TCTN1: variants seen among roughly 807,000 people sequenced by gnomAD.
The protein encoded by TCTN1 is tectonic family member 1.
In TCTN1, 58 loss-of-function variants were observed where a neutral mutation model predicts 65.8. That is an observed-to-expected ratio of 0.88 (90% CI 0.71 to 1.10). The LOEUF (loss-of-function observed/expected upper bound fraction) is 1.10. Among genes scored for constraint, TCTN1 ranks in the 50% least tolerant of loss-of-function variants. The pLI is 0.00. For missense variants in TCTN1, 645 were observed against 719.4 expected, an observed-to-expected ratio of 0.90 and a Z score of 1.18; for synonymous variants, 273 against 289.1, an observed-to-expected ratio of 0.94 and a Z score of 0.57.
rs769457761 is a variant in TCTN1, at chr12:110,626,493, G to C, written c.472+1G>C. 1.2e-6 allele frequency: 2 copies of C among 1,611,444 alleles called. No homozygotes were observed. Among genetic ancestry groups the C allele is most frequent in the Non-Finnish European group, 1.7e-6 (2 of 1,179,118 alleles). ...ATTTTCTGCATTCATATTACAAACT[G>C]TAAGTATTTGACATTGATATATTTT... On this transcript the variant is annotated splice_donor_variant, in intron 3 of 14. Transcript: ENST00000397659. LOFTEE classifies it high-confidence loss of function.
intron 2 of TCTN1, among the ~76,000 whole-genome samples, chr12:110,625,095 G>C (rs2065740266): frequency 6.6e-6 from 1 of 152,182 alleles, no homozygotes; most frequent in African/African-American, 2.4e-5. Context: ...AAGGAATTTG[G>C]ATCTATTCTG....
intron 7 of TCTN1, among the ~76,000 whole-genome samples, chr12:110,638,630 T>C (rs932987394): frequency 1.3e-5 from 2 of 152,300 alleles, no homozygotes; most frequent in African/African-American, 2.4e-5. Context: ...CTCGGGACAG[T>C]TGAGTGAGCT....
At chr12:110,619,814 C>G in intron 1 of TCTN1, 22 bp from the exon 2 acceptor site, 1 of 1,613,880 alleles carries the variant, frequency 6.2e-7, no homozygotes, top group Non-Finnish European at 8.5e-7. Context: ...TGTTCTGGAT[C>G]CTACCCCTCT....
chr12:110,637,075 A>G (rs2066623954), intron 7 of TCTN1, among the ~76,000 whole-genome samples: 1 of 152,092 alleles, frequency 6.6e-6, no homozygotes, highest in South Asian at 2.1e-4. Flanking sequence ...TAGGGTTTGC[A>G]CCCTAGGTCT....
intron 7 of TCTN1, among the ~76,000 whole-genome samples, chr12:110,638,691 A>G (rs1383666311): frequency 1.3e-5 from 2 of 152,246 alleles, no homozygotes; most frequent in Non-Finnish European, 2.9e-5. Flanking sequence ...TCCAAAGCTC[A>G]TTGACACTGA....
At chr12:110,632,661 C>T (rs549439598) in intron 5 of TCTN1, 102 bp downstream of exon 5, 33 of 1,226,616 alleles carry the variant, frequency 2.7e-5, no homozygotes, top group African/African-American at 4.5e-5. Flanking sequence ...TGACCAAAAT[C>T]GCAATTATTT....
intron 6 of TCTN1, chr12:110,636,190 T>G (rs965563645): frequency 5.1e-6 from 2 of 388,568 alleles, no homozygotes; most frequent in Admixed American, 7.5e-5. Context: ...CGTGAGACCA[T>G]GTGGAAATAT....
chr12:110,636,543 T>C, intron 7 of TCTN1, 42 bp downstream of exon 7: 1 of 1,121,104 alleles, frequency 8.9e-7, no homozygotes, highest in Non-Finnish European at 1.3e-6. Context: ...AGTAGGATAG[T>C]TTATAATACT....
Position 110,619,897 on chromosome 12 carries a change from T to C in TCTN1, c.282T>C (p.Asp94=), listed in dbSNP as rs779725514. ...AGTGTGACATCAACTGCTGCTGTGATCCCGACTGCAGCTCCGTGGATTTCA... is the reference window on the plus strand; with the variant it reads ...AGTGTGACATCAACTGCTGCTGTGACCCCGACTGCAGCTCCGTGGATTTCA... ...PAQCDINCCC[D]PDCSSVDFSV... is the part of the protein sequence containing the mutation. The change falls in exon 2 of 15, where the codon GAT becomes GAC. Residue 94 remains aspartate (D), a synonymous_variant. Transcript: ENST00000397659. The C allele has an allele frequency of 6.2e-7, 1 of 1,614,174 alleles. No homozygotes were observed. The highest frequency in any genetic ancestry group is 8.5e-7 in the Non-Finnish European group (1 of 1,180,038).
intron 13 of TCTN1, 101 bp downstream of exon 13, chr12:110,647,437 TTA>T: frequency 6.8e-7 from 1 of 1,476,908 alleles, no homozygotes; most frequent in African/African-American, 1.4e-5. Context: ...AGATTATAAT[TTA>T]AACCATGGGG....
chr12:110,640,369 T>A lies in TCTN1; in HGVS notation c.844-14T>A. On this transcript the variant is annotated splice_polypyrimidine_tract_variant and intron_variant, in intron 7 of 14. Coordinates refer to ENST00000397659, the MANE Select transcript of TCTN1 (RefSeq NM_001082538.3). The surrounding 1 kb of genome is among the most constrained non-coding windows in gnomAD (Gnocchi z 4.9). ...GGTAGAGCATCTTCAACACTCCAGG[T>A]CTTCACTCTGCAGGTCCCTATCACT... The A allele has an allele frequency of 6.2e-7, 1 of 1,614,174 alleles. No homozygotes were observed. The highest frequency in any genetic ancestry group is 8.5e-7 in the Non-Finnish European group (1 of 1,180,018).
chr12:110,629,319 A>G (rs1341328097), intron 4 of TCTN1: 3 of 214,536 alleles, frequency 1.4e-5, no homozygotes, highest in Non-Finnish European at 2.8e-5. Context: ...GACCTACAGA[A>G]TGGGAAAAAA....
Position 110,636,474 on chromosome 12 carries a change from T to C in TCTN1, c.823-7T>C. On this transcript the variant is annotated splice_region_variant and splice_polypyrimidine_tract_variant and intron_variant, in intron 6 of 14. Coordinates refer to ENST00000397659, the MANE Select transcript of TCTN1 (RefSeq NM_001082538.3). The stretch of plus-strand genomic sequence containing the variant: ...AACACAATTTTTTGTGGTTTCTTTT[T>C]ATCTAGGTACCTGATTCAAGAAAAA... The C allele has an allele frequency of 7.3e-7, 1 of 1,372,926 alleles. No homozygotes were observed. Among genetic ancestry groups the C allele is most frequent in the South Asian group, 1.2e-5 (1 of 86,020 alleles). The allele number at this position is 1,372,926 out of a possible 1,614,324, so 85.0% of individuals were successfully genotyped here. A position where few individuals can be genotyped will look rare whatever the true frequency, so the allele number is the denominator to read the frequency against.
chr12:110,615,286 T>A (rs779665066), intron 1 of TCTN1, among the ~76,000 whole-genome samples: 1 of 152,008 alleles, frequency 6.6e-6, no homozygotes, highest in Non-Finnish European at 1.5e-5. Flanking sequence ...AAAATTGACA[T>A]GGATGACTTC....
At chr12:110,628,653 G>A in intron 3 of TCTN1, 114 bp from the exon 4 acceptor site, 1 of 978,388 alleles carries the variant, frequency 1.0e-6, no homozygotes, top group Non-Finnish European at 1.5e-6. Context: ...GACACTATTT[G>A]TTTTTTACAT....
chr12:110,628,993 C>A, intron 4 of TCTN1, 75 bp downstream of exon 4: 1 of 1,572,678 alleles, frequency 6.4e-7, no homozygotes, highest in Non-Finnish European at 8.7e-7. Flanking sequence ...TCAAGGTTAC[C>A]AGGAAAACTG....
chr12:110,647,928 A>AT, intron 14 of TCTN1, 35 bp downstream of exon 14: 1 of 1,611,404 alleles, frequency 6.2e-7, no homozygotes, highest in Non-Finnish European at 8.5e-7. Context: ...CTCTGAGGTC[A>AT]TCCCCTTTGG....
chr12:110,630,145 G>A (rs747458531), intron 4 of TCTN1: 11 of 152,168 alleles, frequency 7.2e-5, no homozygotes, highest in Non-Finnish European at 1.5e-4. Context: ...GATGAGTGCA[G>A]TAAACCACCA....
chr12:110,643,112 A>G (rs2067071692), intron 11 of TCTN1, among the ~76,000 whole-genome samples: 1 of 147,058 alleles, frequency 6.8e-6, no homozygotes, highest in African/African-American at 2.5e-5. Context: ...TATGTTGCCC[A>G]GGCTGATGTT....
Sources: gnomAD v4.1 joint callset for allele counts (sites outside exome capture counted in the v4.1 genomes callset) on GRCh38, gnomAD v4.1.1 for gene constraint, Gnocchi (gnomAD v3.1) non-coding constraint, MANE v1.5 for transcripts, NCBI Gene and HGNC (gene_info 2026-07-23, HGNC 2026-07-21) for gene names.